The following LARGE1 variants were observed in gnomAD, a reference collection of about 807,000 sequenced individuals.
The protein encoded by LARGE1 is xylosyl- and glucuronyltransferase LARGE1.
Under a neutral mutation model 87.6 loss-of-function variants are expected in LARGE1, and 43 were observed. The observed-to-expected ratio is 0.49, with a 90% CI of 0.38 to 0.63. LARGE1 has a LOEUF of 0.63. Among genes scored for constraint, LARGE1 ranks in the 30% least tolerant of loss-of-function variants. LARGE1 has a pLI of 0.00. For missense variants in LARGE1, 802 were observed against 1,000.2 expected, an observed-to-expected ratio of 0.80 and a Z score of 2.67; for synonymous variants, 434 against 394.6, an observed-to-expected ratio of 1.10 and a Z score of -1.18.
At chr22:33,237,837 G>A (rs1926327329) in intron 11 of LARGE1, among the ~76,000 whole-genome samples, 1 of 152,242 alleles carries the variant, frequency 6.6e-6, no homozygotes, top group Non-Finnish European at 1.5e-5. Flanking sequence ...TATATGACCA[G>A]ATGAGATAGC....
At chr22:33,547,046 T>C (rs1292375142) in intron 6 of LARGE1, among the ~76,000 whole-genome samples, 1 of 123,232 alleles carries the variant, frequency 8.1e-6, no homozygotes, top group African/African-American at 2.7e-5. Context: ...TATTTAACCT[T>C]TTTAAGCATT....
chr22:33,337,612 G>T (rs561287816), intron 10 of LARGE1, 34 bp downstream of exon 10: 6 of 1,612,884 alleles, frequency 3.7e-6, no homozygotes, highest in Non-Finnish European at 5.1e-6. Flanking sequence ...CAGAGAAGCC[G>T]CCCCTTCCCT....
chr22:33,697,549 C>CAAAAAAAAAAAAAAAAAAA, intron 2 of LARGE1, among the ~76,000 whole-genome samples: 1 of 54,092 alleles, frequency 1.8e-5, no homozygotes, highest in Non-Finnish European at 3.0e-5. Context: ...GACTCTGTCC[C>CAAAAAAAAAAAAAAAAAAA]AAAAAAAAAA....
At chr22:33,761,249 A>C (rs1377175997) in intron 2 of LARGE1, 122 bp downstream of exon 2, 2 of 868,200 alleles carry the variant, frequency 2.3e-6, no homozygotes, top group Non-Finnish European at 4.0e-6. Flanking sequence ...TAGACAAGTC[A>C]CTTCCCATGA....
intron 1 of LARGE1, among the ~76,000 whole-genome samples, chr22:33,827,364 G>A (rs113107842): frequency 2.6e-5 from 4 of 151,658 alleles, no homozygotes; most frequent in South Asian, 4.2e-4. Flanking sequence ...AGCAAGACCC[G>A]GTCTCAAAAA....
chr22:33,391,637 T>C (rs1053410221), intron 7 of LARGE1, among the ~76,000 whole-genome samples: 1 of 152,084 alleles, frequency 6.6e-6, no homozygotes, highest in Non-Finnish European at 1.5e-5. Context: ...CAAAAGGTAA[T>C]GACCCATGTC....
In LARGE1 at chr22:33,572,162, T is replaced by C. The variant is rs1422086978; in HGVS notation, c.616-7143A>G. ...TTGCTTACCCATATTAACATTTTGC[T>C]GTGGATTACAAATCACCTTGACATA... On this transcript the variant is annotated intron_variant, in intron 5 of 14. Coordinates refer to ENST00000397394, the MANE Select transcript of LARGE1 (RefSeq NM_133642.5). 7 of 1,251,500 alleles carry C rather than the reference T, an allele frequency of 5.6e-6. No individual in the cohort carries two copies. In the Admixed American group the frequency reaches 1.4e-4, roughly 25 times the overall value. 77.5% of individuals were successfully genotyped at this position (1,251,500 alleles called of 1,614,324 possible).
chr22:33,073,004 C>T, the LARGE1 span, among the ~76,000 whole-genome samples: 4 of 152,100 alleles, frequency 2.6e-5, no homozygotes, highest in Admixed American at 2.0e-4. Context: ...GCGGCCGTCT[C>T]GAGGGATATA....
At chr22:33,385,280 T>C (rs1032751723) in intron 7 of LARGE1, among the ~76,000 whole-genome samples, 8 of 148,208 alleles carry the variant, frequency 5.4e-5, no homozygotes, top group African/African-American at 2.0e-4. Context: ...GGTTCATGCC[T>C]GTAAACCCAG....
intron 11 of LARGE1, among the ~76,000 whole-genome samples, chr22:33,203,210 A>G (rs868182582): frequency 8.6e-5 from 13 of 151,656 alleles, no homozygotes; most frequent in Middle Eastern, 6.8e-3. Flanking sequence ...AGATAAACAG[A>G]CTCACTCTTT....
chr22:33,782,341 G>A (rs2085449441), intron 1 of LARGE1, among the ~76,000 whole-genome samples: 1 of 152,148 alleles, frequency 6.6e-6, no homozygotes, highest in African/African-American at 2.4e-5. Context: ...TAAGAGGAGA[G>A]TGGCAGTGAC....
chr22:33,405,446 CAG>C (rs1333872846), intron 7 of LARGE1, among the ~76,000 whole-genome samples: 1 of 152,210 alleles, frequency 6.6e-6, no homozygotes, highest in Admixed American at 6.5e-5. Context: ...GTCACCTCAT[CAG>C]AGAGGTCTGT....
At chr22:33,498,280 C>CT (rs1024698143) in intron 6 of LARGE1, among the ~76,000 whole-genome samples, 12 of 152,102 alleles carry the variant, frequency 7.9e-5, no homozygotes, top group African/African-American at 2.7e-4. Flanking sequence ...TCAGATTTAA[C>CT]TTTTTTTGCA....
intron 11 of LARGE1, among the ~76,000 whole-genome samples, chr22:33,246,196 G>A (rs999806303): frequency 2.6e-5 from 4 of 152,140 alleles, no homozygotes; most frequent in African/African-American, 9.7e-5. Flanking sequence ...ATGTTCAAGT[G>A]TAGAAGAGTC....
chr22:33,371,051 T>C (rs1417404471), intron 9 of LARGE1, among the ~76,000 whole-genome samples: 1 of 150,776 alleles, frequency 6.6e-6, no homozygotes, highest in Non-Finnish European at 1.5e-5. Flanking sequence ...AGAACACGAA[T>C]AATACATGTT....
chr22:33,795,757 CCAAA>C lies in LARGE1; in HGVS notation c.-82-34203_-82-34200del, dbSNP rs1392425640. Reference sequence around the variant, plus strand: ...AGCAAACTATTGCAAGGACAGAAAACCAAACACTGTACATTCTCACTCATAGGTG... The same window carrying C: ...AGCAAACTATTGCAAGGACAGAAAACCACTGTACATTCTCACTCATAGGTG... On this transcript the variant is annotated intron_variant, in intron 1 of 14. Coordinates refer to ENST00000397394, the MANE Select transcript of LARGE1 (RefSeq NM_133642.5). 2.6e-5 allele frequency among the ~76,000 whole-genome samples: 4 copies of C among 151,972 alleles called. No homozygotes were observed. The East Asian group carries it at 7.7e-4, about 29-fold the overall frequency.
At chr22:33,750,131 C>T (rs531362199) in intron 2 of LARGE1, among the ~76,000 whole-genome samples, 6 of 152,260 alleles carry the variant, frequency 3.9e-5, no homozygotes, top group Non-Finnish European at 5.9e-5. Flanking sequence ...CACTGCCATA[C>T]GCAGATACCA....
chr22:33,092,517 CA>C, the LARGE1 span, among the ~76,000 whole-genome samples: 1 of 152,048 alleles, frequency 6.6e-6, no homozygotes, highest in African/African-American at 2.4e-5. Flanking sequence ...GTTTGTTACA[CA>C]GGTAAACAGG....
chr22:33,678,807 T>C (rs1272445635), intron 2 of LARGE1, among the ~76,000 whole-genome samples: 1 of 152,142 alleles, frequency 6.6e-6, no homozygotes. Flanking sequence ...TCTGCGACCG[T>C]TTTGCCATGC....
Sources: allele counts gnomAD v4.1 joint callset (sites outside exome capture counted in the v4.1 genomes callset), GRCh38; gene constraint gnomAD v4.1.1; transcripts MANE v1.5; gene names NCBI Gene and HGNC (gene_info 2026-07-23, HGNC 2026-07-21).